ABCC11: variants seen among roughly 807,000 people sequenced by gnomAD.
ABCC11 encodes ATP binding cassette subfamily C member 11.
Under a neutral mutation model 149.3 loss-of-function variants are expected in ABCC11, and 135 were observed. The ratio of observed to expected loss-of-function variants is 0.90; its 90% CI spans 0.79 to 1.04. ABCC11 has a LOEUF of 1.04. ABCC11 is among the 50% of genes least tolerant of loss of function. The pLI, the probability that ABCC11 is intolerant of heterozygous loss-of-function variation, is 0.00. For missense variants in ABCC11, 1,680 were observed against 1,722.1 expected (o/e 0.98, Z 0.43); for synonymous variants, 665 against 671.4 (o/e 0.99, Z 0.15).
In ABCC11 at chr16:48,184,645, A is replaced by T; in HGVS notation, c.3072-19T>A. The T allele has an allele frequency of 6.2e-7, 1 of 1,609,220 alleles. No homozygotes were observed. Among genetic ancestry groups the T allele is most frequent in the South Asian group, 1.1e-5 (1 of 90,364 alleles). On this transcript the variant is annotated intron_variant, in intron 22 of 29. Coordinates refer to ENST00000356608, the MANE Select transcript of ABCC11 (RefSeq NM_001370497.1). ...CTTAAACCTGAGAAGGAAAGCACAG[A>T]CTAAGAACCATGTGTTTGTCTGACC...
chr16:48,227,761 G>C (rs770940678), intron 4 of ABCC11, 45 bp downstream of exon 4: 1 of 1,608,986 alleles, frequency 6.2e-7, no homozygotes, highest in Non-Finnish European at 8.5e-7. Flanking sequence ...CCCACCAAGA[G>C]ATTGTCTTTT....
intron 6 of ABCC11, among the ~76,000 whole-genome samples, chr16:48,221,605 C>T (rs996676001): frequency 1.3e-5 from 2 of 152,242 alleles, no homozygotes; most frequent in Non-Finnish European, 2.9e-5. Flanking sequence ...CCCATACCCT[C>T]ACCCTCAGGT....
intron 4 of ABCC11, among the ~76,000 whole-genome samples, chr16:48,225,003 A>T (rs1479561046): frequency 2.6e-5 from 4 of 151,918 alleles, no homozygotes; most frequent in Non-Finnish European, 5.9e-5. Flanking sequence ...AGCCTGGGTG[A>T]CAGAGTGAGA....
chr16:48,180,398 G>C (rs1364012873), intron 23 of ABCC11, among the ~76,000 whole-genome samples: 1 of 152,192 alleles, frequency 6.6e-6, no homozygotes, highest in Non-Finnish European at 1.5e-5. Flanking sequence ...CCAGGCTGTG[G>C]ATGCCAGCAC....
intron 7 of ABCC11, among the ~76,000 whole-genome samples, chr16:48,215,755 A>C (rs959354668): frequency 1.3e-5 from 2 of 152,184 alleles, no homozygotes; most frequent in South Asian, 4.1e-4. Flanking sequence ...TTTCCCCATT[A>C]TACTGTGCTC....
At chr16:48,217,415 G>A (rs777956435) in intron 6 of ABCC11, among the ~76,000 whole-genome samples, 1 of 152,032 alleles carries the variant, frequency 6.6e-6, no homozygotes, top group Non-Finnish European at 1.5e-5. Flanking sequence ...GAACAACATG[G>A]TGAAACCCCG....
At position 48,198,248 on chromosome 16, in the gene ABCC11, A is replaced by G; in HGVS notation, c.2110T>C (p.Leu704=). 1 of 1,614,262 alleles carries G rather than the reference A, an allele frequency of 6.2e-7. No individual in the cohort carries two copies. Among genetic ancestry groups the G allele is most frequent in the Non-Finnish European group, 8.5e-7 (1 of 1,180,052 alleles). The change falls in exon 16 of 30, where the codon TTG becomes CTG. Residue 704 remains leucine, a synonymous_variant. Coordinates refer to ENST00000356608, the MANE Select transcript of ABCC11 (RefSeq NM_001370497.1). ...QYLEFCGQII[L]LENGKICENG... ...TCACAGATTTTCCCATTTTCCAACA[A>G]AATGATCTGGCCACAAAATTCTAAG... is the stretch of plus-strand genomic sequence containing the variant.
At chr16:48,223,211 G>C (rs548269016) in intron 5 of ABCC11, among the ~76,000 whole-genome samples, 3 of 152,228 alleles carry the variant, frequency 2.0e-5, no homozygotes, top group African/African-American at 7.2e-5. Flanking sequence ...TAGACTTAAG[G>C]GGCAAGAGCA....
intron 20 of ABCC11, among the ~76,000 whole-genome samples, chr16:48,189,232 C>T (rs544245825): frequency 9.5e-4 from 145 of 152,284 alleles, no homozygotes; most frequent in African/African-American, 3.1e-3. Context: ...CTTGCAGGTG[C>T]GGGGCATGGC....
intron 1 of ABCC11, among the ~76,000 whole-genome samples, chr16:48,245,265 C>T (rs1189726741): frequency 4.6e-5 from 7 of 152,144 alleles, no homozygotes; most frequent in South Asian, 4.1e-4. Flanking sequence ...CCTAGCTTCT[C>T]ACCTCTGCTC....
chr16:48,187,223 C>A lies in ABCC11; in HGVS notation c.2911G>T (p.Val971Phe). The part of the protein sequence containing the change: ...YILLMGAIIM[V>F]ICFIYYMMFK... ...CACATATAATAAATGAAGCAAATAACCATGATTATGGCTCCCATTAACAGG... is the reference window on the plus strand; with the variant it reads ...CACATATAATAAATGAAGCAAATAAACATGATTATGGCTCCCATTAACAGG... Residue 971 changes from valine to phenylalanine, a missense_variant, in exon 21 of 30, where the codon GTT becomes TTT. Coordinates refer to ENST00000356608, the MANE Select transcript of ABCC11 (RefSeq NM_001370497.1). The A allele has an allele frequency of 6.2e-7, 1 of 1,614,096 alleles. No homozygotes were observed. The highest frequency in any genetic ancestry group is 8.5e-7 in the Non-Finnish European group (1 of 1,180,020).
rs1275403546 is a variant in ABCC11 at position 48,230,357 on chromosome 16, G to A, written c.236+80C>T. 13 of 1,446,646 alleles carry A rather than the reference G, an allele frequency of 9.0e-6. No individual in the cohort carries two copies. The South Asian group carries it at 1.2e-4, about 14-fold the overall frequency. 89.6% of individuals were successfully genotyped at this position (1,446,646 alleles called of 1,614,324 possible). ...GTAGGGATGTAGTTATGCAACCTTC[G>A]TGAGAGGTCTAGTTGGGAGGGTTGG... On this transcript the variant is annotated intron_variant, in intron 3 of 29. Coordinates refer to ENST00000356608, the MANE Select transcript of ABCC11 (RefSeq NM_001370497.1).
intron 13 of ABCC11, 116 bp downstream of exon 13, chr16:48,205,297 T>C (rs1968334741): frequency 7.1e-7 from 1 of 1,407,462 alleles, no homozygotes; most frequent in Non-Finnish European, 9.7e-7. Flanking sequence ...AATATGATAA[T>C]GCGTTTAAGT....
rs1449804824 is a variant in ABCC11, at chr16:48,198,157, T to A, written c.2201A>T (p.His734Leu). ...GKYAQLIQKM[H>L]KEATSDMLQD... ...AGGACTCACCGAAGTGGCTTCCTTG[T>A]GCATCTTCTGGATAAGTTGGGCATA... Residue 734 changes from histidine to leucine, a missense_variant, in exon 16 of 30, where the codon CAC becomes CTC. Transcript: ENST00000356608. The A allele has an allele frequency of 6.2e-7, 1 of 1,614,228 alleles. No individual in the cohort carries two copies. The highest frequency in any genetic ancestry group is 1.7e-5 in the Admixed American group (1 of 60,022).
Position 48,170,205 on chromosome 16 carries a change from G to A in ABCC11, c.3791C>T (p.Pro1264Leu), listed in dbSNP as rs749012387. 6.2e-7 allele frequency: 1 copy of A among 1,613,818 alleles called. No individual in the cohort carries two copies. The highest frequency in any genetic ancestry group is 8.5e-7 in the Non-Finnish European group (1 of 1,179,764). ...TFLTKAISKFPKKLHTDVVEN... is the reference protein window; with the variant it reads ...TFLTKAISKFLKKLHTDVVEN... ...CACCACATCTGTATGCAGCTTTTTG[G>A]GGAACTTTGAGATCTGCGATATGGG... Residue 1264 changes from proline to leucine, a missense_variant, in exon 28 of 30, where the codon CCC becomes CTC. Pro to Leu is a moderately conservative substitution (Grantham distance 98). Transcript: ENST00000356608.
intron 12 of ABCC11, among the ~76,000 whole-genome samples, chr16:48,207,290 G>A (rs965317510): frequency 3.5e-4 from 53 of 152,258 alleles, no homozygotes; most frequent in African/African-American, 1.2e-3. Flanking sequence ...CATAGCAGGC[G>A]TCATGGGTGC....
Position 48,170,139 on chromosome 16 carries a change from A to G in ABCC11, c.3857T>C (p.Leu1286Pro). The G allele has an allele frequency of 6.2e-7, 1 of 1,614,122 alleles. No individual in the cohort carries two copies. The highest frequency in any genetic ancestry group is 8.5e-7 in the Non-Finnish European group (1 of 1,179,978). The change falls in exon 28 of 30, where the codon CTC (leucine) becomes CCC (proline). Residue 1286 changes from leucine to proline, a missense_variant. By Grantham distance (98) the Leu-to-Pro change is moderately conservative. Transcript: ENST00000356608. ...GCGAAGCACAGCCCTGGCAATGCAG[A>G]GCAGCTGCCTCTCCCCCACAGAGAA... ...GNFSVGERQL[L>P]CIARAVLRNS... is the part of the protein sequence containing the mutation.
Position 48,210,954 on chromosome 16 carries a change from C to T in ABCC11, c.1602G>A (p.Val534=). ...GPELHKINLV[V]SKGMMLGVCG... ...GTGGCCTGAACAAGGCTACCTTGGA[C>T]ACCACCAGGTTGATCTTGTGCAACT... The change falls in exon 11 of 30, where the codon GTG becomes GTA. Residue 534 remains valine (V), a synonymous_variant. Coordinates refer to ENST00000356608, the MANE Select transcript of ABCC11 (RefSeq NM_001370497.1). 1 of 1,614,034 alleles carries T rather than the reference C, an allele frequency of 6.2e-7. No individual in the cohort carries two copies. The highest frequency in any genetic ancestry group is 8.5e-7 in the Non-Finnish European group (1 of 1,179,926).
At chr16:48,208,610 C>A in intron 11 of ABCC11, 114 bp from the exon 12 acceptor site, 2 of 1,117,550 alleles carry the variant, frequency 1.8e-6, no homozygotes, top group East Asian at 4.9e-5. Context: ...AACAAAATAA[C>A]CACACAGAGC....
Sources: gnomAD v4.1 joint callset for allele counts (sites outside exome capture counted in the v4.1 genomes callset) on GRCh38, gnomAD v4.1.1 for gene constraint, MANE v1.5 for transcripts, NCBI Gene and HGNC (gene_info 2026-07-23, HGNC 2026-07-21) for gene names.